Variants in ADGRL2 observed in about 807,000 individuals in gnomAD.
ADGRL2 encodes adhesion G protein-coupled receptor L2, also known as calcium-independent alpha-latrotoxin receptor 2.
In ADGRL2, 44 loss-of-function variants were observed where a neutral mutation model predicts 157.4. The observed-to-expected ratio is 0.28, with a 90% confidence interval of 0.22 to 0.36. ADGRL2 has a LOEUF of 0.36. ADGRL2 is among the 10% of genes least tolerant of loss of function. ADGRL2 has a pLI of 1.00. For synonymous variants in ADGRL2, 585 were observed against 624.7 expected, an observed-to-expected ratio of 0.94 and a Z score of 0.95; for missense variants, 1,510 against 1,768.9, an observed-to-expected ratio of 0.85 and a Z score of 2.63.
At chr1:81,561,086 C>T (rs1172066629) in intron 2 of ADGRL2, among the ~76,000 whole-genome samples, 2 of 152,088 alleles carry the variant, frequency 1.3e-5, no homozygotes, top group East Asian at 3.9e-4. Context: ...CCTACCATTA[C>T]CTCCTCTCTA....
At chr1:81,568,494 G>T (rs1342693738) in intron 2 of ADGRL2, among the ~76,000 whole-genome samples, 1 of 152,144 alleles carries the variant, frequency 6.6e-6, no homozygotes, top group Non-Finnish European at 1.5e-5. Flanking sequence ...AGAGAATGAT[G>T]AAAGCTAAAT....
chr1:81,463,114 CAAAAAAA>C (rs56920139), intron 2 of ADGRL2, among the ~76,000 whole-genome samples: 72 of 93,748 alleles, frequency 7.7e-4, no homozygotes, highest in African/African-American at 2.4e-3. Context: ...GACCATGTCT[CAAAAAAA>C]AAAAAAAAAA....
intron 2 of ADGRL2, among the ~76,000 whole-genome samples, chr1:81,859,532 G>A (rs1159356261): frequency 6.7e-6 from 1 of 149,986 alleles, no homozygotes; most frequent in East Asian, 2.0e-4. Context: ...TCAGCCTCCT[G>A]AATAGCTGGG....
At position 81,912,469 on chromosome 1, in the gene ADGRL2, A is replaced by T. The variant is rs185979576; in HGVS notation, c.287+5239A>T. On this transcript the variant is annotated intron_variant, in intron 3 of 23. Transcript: ENST00000686636. ...TTTCAGAACTGGGTGGCATGTAAAT[A>T]AATAGTGCAGCAAGCCATTGTTTAT... Among the ~76,000 whole-genome samples, 495 of 152,358 alleles carry T rather than the reference A, an allele frequency of 3.2e-3. 1 individual carries two copies. Among genetic ancestry groups the T allele is most frequent in the African/African-American group, 0.011 (473 of 41,582 alleles).
intron 1 of ADGRL2, among the ~76,000 whole-genome samples, chr1:81,808,343 A>G (rs2149601129): frequency 6.6e-6 from 1 of 152,206 alleles, no homozygotes; most frequent in African/African-American, 2.4e-5. Flanking sequence ...CAGTGTCTAC[A>G]TTGCTTAATA....
intron 3 of ADGRL2, among the ~76,000 whole-genome samples, chr1:81,625,885 A>G (rs1165610758): frequency 6.6e-6 from 1 of 152,222 alleles, no homozygotes; most frequent in Non-Finnish European, 1.5e-5. Context: ...TATACTTGGC[A>G]CAAGTTGAAT....
intron 2 of ADGRL2, among the ~76,000 whole-genome samples, chr1:81,767,052 T>A (rs2086157366): frequency 6.6e-6 from 1 of 152,080 alleles, no homozygotes; most frequent in Non-Finnish European, 1.5e-5. Context: ...ATATATTTCA[T>A]CCTGAAATAT....
intron 1 of ADGRL2, among the ~76,000 whole-genome samples, chr1:81,348,199 G>A (rs939604454): frequency 9.2e-5 from 14 of 152,100 alleles, no homozygotes; most frequent in African/African-American, 2.9e-4. Flanking sequence ...TTACCCCCAA[G>A]CCTTAACATC....
chr1:81,697,317 A>T (rs1008870872), upstream of ADGRL2, among the ~76,000 whole-genome samples: 2 of 152,238 alleles, frequency 1.3e-5, no homozygotes, highest in Non-Finnish European at 2.9e-5. Flanking sequence ...CATAATTTAC[A>T]TAAAGTGCTC....
At chr1:81,746,661 A>G (rs541730728) in intron 1 of ADGRL2, among the ~76,000 whole-genome samples, 38 of 152,294 alleles carry the variant, frequency 2.5e-4, no homozygotes, top group African/African-American at 6.7e-4. Flanking sequence ...TAGAAAAATG[A>G]TATGTTTATA....
intron 1 of ADGRL2, among the ~76,000 whole-genome samples, chr1:81,369,433 T>C (rs1435990470): frequency 6.6e-6 from 1 of 152,208 alleles, no homozygotes; most frequent in Non-Finnish European, 1.5e-5. Flanking sequence ...TTGAGACTAG[T>C]AGCCACCTCC....
chr1:81,385,500 T>C lies in ADGRL2; in HGVS notation c.-301-59536T>C, dbSNP rs145384734. On this transcript the variant is annotated intron_variant, in intron 1 of 24. Coordinates refer to the ADGRL2 transcript ENST00000370721. ...GGAGAAAGGCAGATCATGTGACATA[T>C]TAATGGGAAAGAATAAACCTGAGGG... Among the ~76,000 whole-genome samples the C allele has an allele frequency of 2.2e-3, 340 of 152,124 alleles. 6 individuals are homozygous for C. The East Asian group carries it at 0.025, about 11-fold the overall frequency.
chr1:81,490,631 T>A (rs2078611591), intron 2 of ADGRL2, among the ~76,000 whole-genome samples: 1 of 152,176 alleles, frequency 6.6e-6, no homozygotes, highest in African/African-American at 2.4e-5. Context: ...AATAGTTTTT[T>A]AAAGAAATGT....
At chr1:81,923,553 T>A (rs2095037547) in intron 3 of ADGRL2, among the ~76,000 whole-genome samples, 1 of 152,204 alleles carries the variant, frequency 6.6e-6, no homozygotes, top group South Asian at 2.1e-4. Flanking sequence ...CACTATTTTT[T>A]TTTTAATCTC....
chr1:81,737,020 G>A (rs1311613593), intron 1 of ADGRL2, among the ~76,000 whole-genome samples: 1 of 151,768 alleles, frequency 6.6e-6, no homozygotes, highest in African/African-American at 2.4e-5. Flanking sequence ...ATTTTTAGTA[G>A]AGGTGGGGTT....
chr1:81,558,436 TACA>T (rs551896668), intron 2 of ADGRL2, among the ~76,000 whole-genome samples: 153 of 152,328 alleles, frequency 1.0e-3, no homozygotes, highest in African/African-American at 3.3e-3. Flanking sequence ...CATATCAAAT[TACA>T]ACACCTTTCA....
chr1:81,699,638 T>C (rs2083517929), upstream of ADGRL2: 1 of 152,196 alleles, frequency 6.6e-6, no homozygotes, highest in Admixed American at 6.5e-5. Flanking sequence ...AGGAAATTCC[T>C]GACGAAACAC....
chr1:81,743,478 T>C (rs1468326343), intron 1 of ADGRL2, among the ~76,000 whole-genome samples: 2 of 150,598 alleles, frequency 1.3e-5, no homozygotes, highest in East Asian at 2.0e-4. Flanking sequence ...TTTCTCAGAA[T>C]TGTTTAAAGA....
At chr1:81,463,234 A>G (rs2077978778) in intron 2 of ADGRL2, among the ~76,000 whole-genome samples, 1 of 151,884 alleles carries the variant, frequency 6.6e-6, no homozygotes, top group Admixed American at 6.6e-5. Flanking sequence ...GGTGTCAGAC[A>G]GATGTGGGTT....
Sources: allele counts gnomAD v4.1 joint callset (sites outside exome capture counted in the v4.1 genomes callset), GRCh38; gene constraint gnomAD v4.1.1; transcripts MANE v1.5; gene names NCBI Gene and HGNC (gene_info 2026-07-23, HGNC 2026-07-21).